Variants in CYP7B1 observed in about 807,000 individuals in gnomAD.
CYP7B1 encodes the protein cytochrome P450 7B1.
A neutral mutation model predicts 42.7 loss-of-function variants in CYP7B1; 29 were observed. The observed-to-expected ratio is 0.68, with a 90% confidence interval of 0.51 to 0.93. The LOEUF (loss-of-function observed/expected upper bound fraction) is 0.93. CYP7B1 is among the 40% of genes least tolerant of loss of function. CYP7B1 has a pLI of 0.00. For missense variants in CYP7B1, 655 were observed against 600.5 expected (o/e 1.09, Z -0.95); for synonymous variants, 235 against 218.2 (o/e 1.08, Z -0.68).
chr8:64,771,211 C>T (rs7009717), intron 1 of CYP7B1, among the ~76,000 whole-genome samples: 40,485 of 151,034 alleles, frequency 0.27, 6,680 homozygotes, highest in African/African-American at 0.46. Context: ...CAGGTGCATG[C>T]CACCATGCCC....
chr8:64,739,874 T>A (rs969389038), intron 1 of CYP7B1, among the ~76,000 whole-genome samples: 7 of 152,114 alleles, frequency 4.6e-5, no homozygotes, highest in African/African-American at 1.7e-4. Flanking sequence ...ATTGAAATAT[T>A]TAAAGTGTTG....
chr8:64,763,575 G>A (rs1438411490), intron 1 of CYP7B1, among the ~76,000 whole-genome samples: 1 of 152,216 alleles, frequency 6.6e-6, no homozygotes, highest in Non-Finnish European at 1.5e-5. Flanking sequence ...GCACCTGTTG[G>A]CCGGTTAAAA....
chr8:64,663,265 T>C (rs536173520), intron 1 of CYP7B1, among the ~76,000 whole-genome samples: 1 of 152,350 alleles, frequency 6.6e-6, no homozygotes, highest in African/African-American at 2.4e-5. Flanking sequence ...GAATCATATA[T>C]TGATTCATTT....
intron 1 of CYP7B1, among the ~76,000 whole-genome samples, chr8:64,774,213 T>TGTAATGGA (rs1438265136): frequency 1.3e-5 from 2 of 152,246 alleles, no homozygotes; most frequent in Non-Finnish European, 2.9e-5. Flanking sequence ...TAGCATATCA[T>TGTAATGGA]GTAATGGAAT....
chr8:64,741,524 G>T (rs1023336176), intron 1 of CYP7B1, among the ~76,000 whole-genome samples: 1 of 152,022 alleles, frequency 6.6e-6, no homozygotes, highest in African/African-American at 2.4e-5. Flanking sequence ...TCTCCATGTT[G>T]GTCAGGCTGG....
chr8:64,680,226 C>A (rs1018897209), intron 1 of CYP7B1, among the ~76,000 whole-genome samples: 1 of 151,816 alleles, frequency 6.6e-6, no homozygotes, highest in Admixed American at 6.6e-5. Flanking sequence ...CTTCTTTCAT[C>A]GCACCTTCAT....
chr8:64,726,258 A>C (rs1240572598), intron 1 of CYP7B1, among the ~76,000 whole-genome samples: 1 of 152,232 alleles, frequency 6.6e-6, no homozygotes, highest in Non-Finnish European at 1.5e-5. Flanking sequence ...GAAGTGACTT[A>C]AAATGGCCCA....
intron 1 of CYP7B1, among the ~76,000 whole-genome samples, chr8:64,646,553 G>A (rs1407950520): frequency 6.6e-6 from 1 of 152,212 alleles, no homozygotes; most frequent in East Asian, 1.9e-4. Context: ...AAGCTTTGAA[G>A]CCAGGCACTG....
chr8:64,629,813 C>G (rs1211503472), intron 1 of CYP7B1, among the ~76,000 whole-genome samples: 3 of 152,154 alleles, frequency 2.0e-5, no homozygotes, highest in Admixed American at 1.3e-4. Context: ...TCTTGATAAT[C>G]AAGAATTGCA....
At chr8:64,653,669 T>C (rs994313924) in intron 1 of CYP7B1, among the ~76,000 whole-genome samples, 2 of 152,286 alleles carry the variant, frequency 1.3e-5, no homozygotes, top group East Asian at 1.9e-4. Context: ...ATCATAGTGA[T>C]ACCAAAACCT....
chr8:64,728,993 T>C (rs757536742), intron 1 of CYP7B1: 1 of 152,096 alleles, frequency 6.6e-6, no homozygotes, highest in Non-Finnish European at 1.5e-5. Flanking sequence ...ACCCCATCTC[T>C]ATAAAAAAAT....
At chr8:64,674,681 A>G (rs892696107) in intron 1 of CYP7B1, among the ~76,000 whole-genome samples, 1 of 152,114 alleles carries the variant, frequency 6.6e-6, no homozygotes, top group African/African-American at 2.4e-5. Flanking sequence ...ACCGTAGTGC[A>G]CAGGAGAGTC....
chr8:64,781,831 A>G (rs1327488837), intron 1 of CYP7B1, among the ~76,000 whole-genome samples: 1 of 152,160 alleles, frequency 6.6e-6, no homozygotes, highest in African/African-American at 2.4e-5. Flanking sequence ...TCTGCCTATC[A>G]CAGTCTAATG....
At chr8:64,686,040 G>A (rs1169162161) in intron 1 of CYP7B1, among the ~76,000 whole-genome samples, 81 of 119,082 alleles carry the variant, frequency 6.8e-4, no homozygotes, top group East Asian at 3.5e-3. Flanking sequence ...CACCCCGTCC[G>A]GGAGGGAGAT....
At chr8:64,743,548 T>A (rs1807599880) in intron 1 of CYP7B1, among the ~76,000 whole-genome samples, 1 of 152,182 alleles carries the variant, frequency 6.6e-6, no homozygotes, top group African/African-American at 2.4e-5. Flanking sequence ...CAGGGTTGAC[T>A]TCTTCCAAGA....
intron 1 of CYP7B1, among the ~76,000 whole-genome samples, chr8:64,656,296 A>G (rs1033043795): frequency 6.6e-6 from 1 of 152,228 alleles, no homozygotes; most frequent in African/African-American, 2.4e-5. Context: ...GCCTGCTGAA[A>G]GCTCCAAGCC....
intron 1 of CYP7B1, among the ~76,000 whole-genome samples, chr8:64,670,771 G>C (rs144887150): frequency 7.4e-4 from 113 of 152,316 alleles, no homozygotes; most frequent in African/African-American, 2.4e-3. Flanking sequence ...CAATGAAAAA[G>C]AGCAGTGAAA....
chr8:64,786,539 C>T (rs1804530133), intron 1 of CYP7B1, among the ~76,000 whole-genome samples: 1 of 152,238 alleles, frequency 6.6e-6, no homozygotes, highest in African/African-American at 2.4e-5. Context: ...GATGGCCTTC[C>T]ATGGCCTTGG....
chr8:64,590,692 G>A (rs1230516475), downstream of CYP7B1, among the ~76,000 whole-genome samples: 1 of 152,132 alleles, frequency 6.6e-6, no homozygotes, highest in East Asian at 1.9e-4. Context: ...TTTCAGGAGA[G>A]CATCAGATGA....
Sources: allele counts gnomAD v4.1 joint callset (sites outside exome capture counted in the v4.1 genomes callset), GRCh38; gene constraint gnomAD v4.1.1; transcripts MANE v1.5; gene names NCBI Gene and HGNC (gene_info 2026-07-23, HGNC 2026-07-21).